CTNND1: variants seen among roughly 807,000 people sequenced by gnomAD.
CTNND1 encodes catenin delta-1.
In CTNND1, 16 loss-of-function variants were observed where a neutral mutation model predicts 112.1. The ratio of observed to expected loss-of-function variants is 0.14; its 90% confidence interval spans 0.10 to 0.22. The LOEUF (loss-of-function observed/expected upper bound fraction) is 0.22. Among genes scored for constraint, CTNND1 ranks in the 10% least tolerant of loss-of-function variants. The pLI is 1.00. For missense variants in CTNND1, 1,008 were observed against 1,257.0 expected, an observed-to-expected ratio of 0.80 and a Z score of 3.00; for synonymous variants, 420 against 446.5, an observed-to-expected ratio of 0.94 and a Z score of 0.75.
At chr11:57,798,080 G>A (rs2061563133) in intron 6 of CTNND1, among the ~76,000 whole-genome samples, 1 of 152,030 alleles carries the variant, frequency 6.6e-6, no homozygotes, top group African/African-American at 2.4e-5. Context: ...TGGGCACGGT[G>A]TCTCACGCTT....
Position 57,762,206 on chromosome 11 carries a change from C to G in CTNND1, c.-214+87C>G, listed in dbSNP as rs1275398455. ...TTATTTTTCTTTTCTACTTTCAGTA[C>G]TTTGGCGGGGGAGATTTTGGTATTT... On this transcript the variant is annotated intron_variant, in intron 1 of 20. Coordinates refer to ENST00000399050, the MANE Select transcript of CTNND1 (RefSeq NM_001085458.2). The G allele has an allele frequency of 1.2e-5, 7 of 576,630 alleles. No homozygotes were observed. The African/African-American group carries it at 1.4e-4, about 12-fold the overall frequency. 35.7% of individuals were successfully genotyped at this position (576,630 alleles called of 1,614,324 possible).
chr11:57,769,770 C>T (rs975386386), intron 1 of CTNND1, among the ~76,000 whole-genome samples: 19 of 152,078 alleles, frequency 1.2e-4, no homozygotes, highest in Admixed American at 9.2e-4. Context: ...TGTTAGGATA[C>T]CACTTCATTT....
In CTNND1 at chr11:57,808,401, C is replaced by T. The variant is rs762262057; in HGVS notation, c.2103C>T (p.Tyr701=). The change falls in exon 14 of 21, where the codon TAC becomes TAT. Residue 701 remains tyrosine, a synonymous_variant. Transcript: ENST00000399050. ...LCAGRWTYGR[Y]IRSALRQEKA... ...ATTTGCTATTCTAGTATGGTCGATA[C>T]ATCCGCTCTGCTCTGCGTCAAGAGA... The T allele has an allele frequency of 6.2e-7, 1 of 1,609,856 alleles. No individual in the cohort carries two copies. The highest frequency in any genetic ancestry group is 1.7e-5 in the Admixed American group (1 of 59,656).
chr11:57,810,266 TG>T, intron 16 of CTNND1, 43 bp downstream of exon 16: 1 of 1,413,872 alleles, frequency 7.1e-7, no homozygotes, highest in Non-Finnish European at 9.8e-7. Context: ...TTTTTTTTCT[TG>T]GTCCCAGGAT....
chr11:57,796,420 T>A (rs1413805539), intron 5 of CTNND1, 37 bp from the exon 6 acceptor site: 3 of 1,533,940 alleles, frequency 2.0e-6, no homozygotes, highest in Admixed American at 2.2e-5. Context: ...GCTCACTTCC[T>A]TAATTAGTTT....
At chr11:57,777,704 GAAGAC>G (rs1189249855) in intron 1 of CTNND1, among the ~76,000 whole-genome samples, 2 of 152,214 alleles carry the variant, frequency 1.3e-5, no homozygotes, top group African/African-American at 4.8e-5. Flanking sequence ...AATAAAGGGA[GAAGAC>G]AAGACAAGAA....
At chr11:57,800,014 G>T (rs1435276144) in intron 6 of CTNND1, among the ~76,000 whole-genome samples, 1 of 116,670 alleles carries the variant, frequency 8.6e-6, no homozygotes, top group Non-Finnish European at 1.7e-5. Flanking sequence ...TTGAGATGGA[G>T]TCTTGCTCTG....
chr11:57,810,936 A>C (rs2063273800), intron 16 of CTNND1, among the ~76,000 whole-genome samples: 1 of 151,910 alleles, frequency 6.6e-6, no homozygotes, highest in Non-Finnish European at 1.5e-5. Flanking sequence ...CAGCCTGGGC[A>C]ACATAGCTAA....
Position 57,819,429 on chromosome 11 carries a change from T to G in CTNND1, c.*3121T>G, listed in dbSNP as rs1268710757. ...GGCTGCTTGTCAGCAACACTTTATT[T>G]CCCTGTTATGTTCTTATCCTTTGGC... On this transcript the variant is annotated 3_prime_UTR_variant, in exon 21 of 21. Coordinates refer to ENST00000399050, the MANE Select transcript of CTNND1 (RefSeq NM_001085458.2). 6.6e-6 allele frequency: 1 copy of G among 152,222 alleles called. No homozygotes were observed. Among genetic ancestry groups the G allele is most frequent in the East Asian group, 1.9e-4 (1 of 5,198 alleles). 9.4% of individuals were successfully genotyped at this position (152,222 alleles called of 1,614,324 possible).
intron 18 of CTNND1, 69 bp from the exon 19 acceptor site, chr11:57,815,325 T>A (rs771434987): frequency 1.2e-4 from 102 of 882,502 alleles, no homozygotes; most frequent in Non-Finnish European, 1.7e-4. Context: ...ATTACACCTA[T>A]CTGTTTGATA....
At position 57,761,825 on chromosome 11, in the gene CTNND1, C is replaced by T; in HGVS notation, c.-508C>T. ...CCAGATCAGTTTGTCACCACCCAGG[C>T]TCCCTTGCCTTTGGCTGGGTGCAAC... is the stretch of plus-strand genomic sequence containing the variant. On this transcript the variant is annotated 5_prime_UTR_variant, in exon 1 of 21. Transcript: ENST00000399050. The T allele has an allele frequency of 2.0e-6, 2 of 985,260 alleles. No homozygotes were observed. The highest frequency in any genetic ancestry group is 1.1e-4 in the East Asian group (1 of 8,812). 61.0% of individuals were successfully genotyped at this position (985,260 alleles called of 1,614,324 possible).
chr11:57,806,555 C>T, intron 11 of CTNND1, 77 bp downstream of exon 11: 1 of 1,311,294 alleles, frequency 7.6e-7, no homozygotes, highest in Admixed American at 2.0e-5. Flanking sequence ...TATGTCCTTG[C>T]CTAACCTTTC....
chr11:57,815,579 A>G, intron 19 of CTNND1, 79 bp downstream of exon 19: 2 of 1,204,038 alleles, frequency 1.7e-6, no homozygotes, highest in Non-Finnish European at 1.2e-6. Context: ...AACACAAAAA[A>G]AAGTACAGAG....
At chr11:57,780,424 T>C (rs2059452912) in intron 1 of CTNND1, among the ~76,000 whole-genome samples, 1 of 152,184 alleles carries the variant, frequency 6.6e-6, no homozygotes. Flanking sequence ...AGAAGGAGCA[T>C]GGACTTGGAA....
chr11:57,764,934 C>A (rs1950708047), intron 1 of CTNND1, among the ~76,000 whole-genome samples: 1 of 152,164 alleles, frequency 6.6e-6, no homozygotes, highest in African/African-American at 2.4e-5. Context: ...ATAATGTATG[C>A]AAAAGATCTA....
intron 1 of CTNND1, among the ~76,000 whole-genome samples, chr11:57,783,961 G>T (rs1198467845): frequency 6.6e-6 from 1 of 151,882 alleles, no homozygotes; most frequent in South Asian, 2.1e-4. Context: ...GTCTTACTCT[G>T]TCGCCCAGGT....
Position 57,815,414 on chromosome 11 carries a change from A to C in CTNND1, c.2722A>C (p.Asn908His). 2 of 1,602,814 alleles carry C rather than the reference A, an allele frequency of 1.2e-6. No individual in the cohort carries two copies. Among genetic ancestry groups the C allele is most frequent in the Non-Finnish European group, 1.7e-6 (2 of 1,176,300 alleles). The change falls in exon 19 of 21, where the codon AAT becomes CAT. Residue 908 changes from asparagine to histidine, a missense_variant. Physicochemically the swap from Asn to His is moderately conservative, Grantham distance 68 (BLOSUM62 1). Transcript: ENST00000399050. ...KSLDNNYSTP[N>H]ERGDHNRTLD... ...ACCAGATAACAACTATTCCACACCA[A>C]ATGAGAGAGGAGACCACAATAGAAC...
chr11:57,811,276 C>T (rs570330963), intron 16 of CTNND1, 123 bp from the exon 17 acceptor site: 146 of 706,124 alleles, frequency 2.1e-4, no homozygotes, highest in Non-Finnish European at 3.3e-4. Context: ...TTATTCAACT[C>T]TTATAAGTTG....
intron 3 of CTNND1, 91 bp downstream of exon 3, chr11:57,791,764 G>A (rs1273121662): frequency 2.9e-6 from 4 of 1,359,636 alleles, no homozygotes; most frequent in Middle Eastern, 1.9e-4. Flanking sequence ...TCTCCTTTTG[G>A]TGATGGGCTG....
Sources: gnomAD v4.1 joint callset for allele counts (sites outside exome capture counted in the v4.1 genomes callset) on GRCh38, gnomAD v4.1.1 for gene constraint, MANE v1.5 for transcripts, NCBI Gene and HGNC (gene_info 2026-07-23, HGNC 2026-07-21) for gene names.